Variants in ZWILCH observed in about 807,000 individuals in gnomAD.
The protein encoded by ZWILCH is protein zwilch homolog.
Under a neutral mutation model 79.9 loss-of-function variants are expected in ZWILCH, and 74 were observed. The observed-to-expected ratio is 0.93, with a 90% CI of 0.77 to 1.12. The LOEUF (loss-of-function observed/expected upper bound fraction) is 1.12. Ranked by LOEUF, ZWILCH falls within the 50% of genes most tolerant of loss-of-function variation. The pLI, the probability that ZWILCH is intolerant of heterozygous loss-of-function variation, is 0.00. For missense variants in ZWILCH, 694 were observed against 687.5 expected (o/e 1.01, Z -0.11); for synonymous variants, 241 against 228.2 (o/e 1.06, Z -0.51).
intron 4 of ZWILCH, among the ~76,000 whole-genome samples, chr15:66,518,510 A>G (rs1894372241): frequency 6.6e-6 from 1 of 152,052 alleles, no homozygotes. Context: ...GACCCCTCAT[A>G]TCTTTTTAAA....
rs181672418 is a variant in ZWILCH, at chr15:66,520,728, G to T, written c.591+68G>T. On this transcript the variant is annotated intron_variant, in intron 6 of 18. Transcript: ENST00000307897. ...TGTCAACCTGCCTTCCTAGTTTACA[G>T]GTTTTTTTTCACTCCTAAGATGACT... 2,697 of 1,089,556 alleles carry T rather than the reference G, an allele frequency of 2.5e-3. 4 individuals are homozygous for T. The highest frequency in any genetic ancestry group is 6.2e-3 in the Admixed American group (235 of 38,034). The allele number at this position is 1,089,556 out of a possible 1,614,324, so 67.5% of individuals were successfully genotyped here.
In ZWILCH at chr15:66,528,954, A is replaced by C; in HGVS notation, c.1072A>C (p.Ser358Arg). 6.2e-7 allele frequency: 1 copy of C among 1,611,418 alleles called. No homozygotes were observed. The highest frequency in any genetic ancestry group is 1.7e-4 in the Middle Eastern group (1 of 6,056). ...TGAGCAACTGTGGTGCAAAATGAGC[A>C]GTAGTAGGTGTCCATCATGATTTAA... ...FAEQLWCKMS[S>R]SVISYQDLVK... Residue 358 changes from serine (S) to arginine (R), a missense_variant, in exon 11 of 19, where the codon AGT becomes CGT. Physicochemically the swap from Ser to Arg is moderately radical, Grantham distance 110. Coordinates refer to ENST00000307897, the MANE Select transcript of ZWILCH (RefSeq NM_017975.5).
intron 4 of ZWILCH, among the ~76,000 whole-genome samples, chr15:66,517,450 A>ATGTATG (rs1445919007): frequency 7.3e-6 from 1 of 136,718 alleles, no homozygotes; most frequent in Non-Finnish European, 1.6e-5. Flanking sequence ...ATATATATAT[A>ATGTATG]TATATAGTAA....
In ZWILCH at chr15:66,548,879, T is replaced by C. The variant is rs1020799301; in HGVS notation, c.*555T>C. 5.1e-5 allele frequency: 10 copies of C among 197,398 alleles called. No homozygotes were observed. The highest frequency in any genetic ancestry group is 1.6e-4 in the African/African-American group (7 of 43,274). 12.2% of individuals were successfully genotyped at this position (197,398 alleles called of 1,614,324 possible). ...AATAAAGTCCATCTCTCAATACTTATACTTTCTAAATTCATCTCAGAATAT... is the reference window on the plus strand; with the variant it reads ...AATAAAGTCCATCTCTCAATACTTACACTTTCTAAATTCATCTCAGAATAT... On this transcript the variant is annotated 3_prime_UTR_variant, in exon 19 of 19. Coordinates refer to ENST00000307897, the MANE Select transcript of ZWILCH (RefSeq NM_017975.5).
At chr15:66,543,756 C>CA (rs1449697863) in intron 17 of ZWILCH, among the ~76,000 whole-genome samples, 6 of 143,000 alleles carry the variant, frequency 4.2e-5, no homozygotes, top group Non-Finnish European at 9.2e-5. Flanking sequence ...GACCCTGTCT[C>CA]AGAAAAAAAA....
intron 4 of ZWILCH, among the ~76,000 whole-genome samples, chr15:66,517,572 C>T (rs1407471830): frequency 6.7e-6 from 1 of 149,354 alleles, no homozygotes; most frequent in Non-Finnish European, 1.5e-5. Flanking sequence ...TATACATTCT[C>T]TTACATAACC....
At chr15:66,513,606 C>G (rs1894148423) in intron 2 of ZWILCH, among the ~76,000 whole-genome samples, 2 of 150,650 alleles carry the variant, frequency 1.3e-5, no homozygotes, top group South Asian at 4.2e-4. Context: ...GAGTCTCACT[C>G]TGTCCCCCAG....
chr15:66,545,674 A>G (rs1213987743), intron 17 of ZWILCH, among the ~76,000 whole-genome samples: 1 of 152,242 alleles, frequency 6.6e-6, no homozygotes, highest in African/African-American at 2.4e-5. Context: ...TGTAGCCATC[A>G]TATATTCTTG....
At position 66,548,477 on chromosome 15, in the gene ZWILCH, T is replaced by C. The variant is rs772215186; in HGVS notation, c.*153T>C. 5.4e-6 allele frequency: 8 copies of C among 1,470,110 alleles called. No individual in the cohort carries two copies. The highest frequency in any genetic ancestry group is 1.7e-5 in the Admixed American group (1 of 58,558). 91.1% of individuals were successfully genotyped at this position (1,470,110 alleles called of 1,614,324 possible). A position where few individuals can be genotyped will look rare whatever the true frequency, so the allele number is the denominator to read the frequency against. ...AGATTCTCTTATGAAGCTCCAAAAT[T>C]GATAATCCTGTCTCAGCTCTGCCTC... On this transcript the variant is annotated 3_prime_UTR_variant, in exon 19 of 19. Transcript: ENST00000307897.
At chr15:66,532,680 C>T (rs371068603) in intron 13 of ZWILCH, among the ~76,000 whole-genome samples, 1 of 151,586 alleles carries the variant, frequency 6.6e-6, no homozygotes. Flanking sequence ...TAAAAAAATC[C>T]TTTTATGAGA....
At chr15:66,510,363 G>A (rs1363988956) in intron 2 of ZWILCH, among the ~76,000 whole-genome samples, 1 of 150,260 alleles carries the variant, frequency 6.7e-6, no homozygotes, top group African/African-American at 2.4e-5. Context: ...CTCCAGCCTG[G>A]GCGACAGAGC....
intron 14 of ZWILCH, 101 bp from the exon 15 acceptor site, chr15:66,535,832 A>T: frequency 2.0e-6 from 2 of 984,646 alleles, no homozygotes; most frequent in Non-Finnish European, 1.4e-6. Flanking sequence ...AATGCCTGTT[A>T]TCAAGCATCC....
chr15:66,509,841 A>AATTATGTGTGTGTGTGGC (rs1893978837), intron 2 of ZWILCH, among the ~76,000 whole-genome samples: 1 of 64,886 alleles, frequency 1.5e-5, no homozygotes, highest in Admixed American at 1.8e-4. Context: ...ATATATATAT[A>AATTATGTGTGTGTGTGGC]TATATATATA....
chr15:66,517,455 T>TAGAG (rs1555424270), intron 4 of ZWILCH, among the ~76,000 whole-genome samples: 20 of 115,168 alleles, frequency 1.7e-4, no homozygotes, highest in Non-Finnish European at 3.0e-4. Flanking sequence ...TATATATATA[T>TAGAG]AGTAATGTAC....
intron 3 of ZWILCH, among the ~76,000 whole-genome samples, chr15:66,515,169 C>T (rs777358842): frequency 2.0e-5 from 3 of 151,596 alleles, no homozygotes; most frequent in Non-Finnish European, 2.9e-5. Flanking sequence ...TGGTTTGTCT[C>T]GACCTCTTGG....
chr15:66,506,960 G>A (rs779552186), intron 1 of ZWILCH, among the ~76,000 whole-genome samples: 7 of 151,436 alleles, frequency 4.6e-5, no homozygotes, highest in Non-Finnish European at 1.0e-4. Context: ...GGGCTCAAGC[G>A]ATTCTCCTGC....
At chr15:66,521,919 G>A (rs1894508349) in intron 7 of ZWILCH, among the ~76,000 whole-genome samples, 1 of 152,118 alleles carries the variant, frequency 6.6e-6, no homozygotes, top group South Asian at 2.1e-4. Context: ...GTCAAAATTG[G>A]CTGGGCGCAG....
intron 3 of ZWILCH, among the ~76,000 whole-genome samples, chr15:66,514,800 G>A (rs977841465): frequency 3.3e-5 from 5 of 152,284 alleles, no homozygotes; most frequent in African/African-American, 1.2e-4. Flanking sequence ...ACCAATCAGA[G>A]GTTATTGCCC....
intron 8 of ZWILCH, among the ~76,000 whole-genome samples, chr15:66,526,609 G>A (rs544191431): frequency 4.2e-4 from 64 of 151,868 alleles, no homozygotes; most frequent in Non-Finnish European, 8.2e-4. Context: ...AAAGGCACCC[G>A]CCACCATGCC....
Sources: allele counts gnomAD v4.1 joint callset (sites outside exome capture counted in the v4.1 genomes callset), GRCh38; gene constraint gnomAD v4.1.1; transcripts MANE v1.5; gene names NCBI Gene and HGNC (gene_info 2026-07-23, HGNC 2026-07-21).